Variants in DDX1 observed in about 807,000 individuals in gnomAD.
DDX1 encodes ATP-dependent RNA helicase DDX1.
In DDX1, 28 loss-of-function variants were observed where a neutral mutation model predicts 108.7. The observed-to-expected ratio is 0.26, with a 90% CI of 0.19 to 0.35. DDX1 has a LOEUF of 0.35. Among genes scored for constraint, DDX1 ranks in the 10% least tolerant of loss-of-function variants. The probability of loss-of-function intolerance (pLI) is 1.00; values close to 1 mark genes in which losing one functional copy is unlikely to be tolerated. For missense variants in DDX1, 710 were observed against 884.5 expected (o/e 0.80, Z 2.50); for synonymous variants, 295 against 288.9 (o/e 1.02, Z -0.21).
intron 12 of DDX1, 28 bp from the exon 13 acceptor site, chr2:15,607,147 T>A: frequency 6.2e-7 from 1 of 1,606,490 alleles, no homozygotes; most frequent in Non-Finnish European, 8.5e-7. Flanking sequence ...GTGCTTTGAA[T>A]GTGTTCTCAT....
chr2:15,607,131 T>C, intron 12 of DDX1, 44 bp from the exon 13 acceptor site: 1 of 1,576,704 alleles, frequency 6.3e-7, no homozygotes, highest in Non-Finnish European at 8.7e-7. Context: ...AACAGTATTA[T>C]AAAGTGTGCT....
chr2:15,612,062 C>T (rs1665776315), intron 13 of DDX1, among the ~76,000 whole-genome samples: 2 of 49,274 alleles, frequency 4.1e-5, no homozygotes, highest in Admixed American at 1.7e-4. Flanking sequence ...CCCTCTCCTC[C>T]CGGAGGGGGC....
intron 19 of DDX1, 54 bp downstream of exon 19, chr2:15,623,636 A>G: frequency 2.1e-6 from 3 of 1,459,288 alleles, no homozygotes; most frequent in Non-Finnish European, 2.9e-6. Context: ...GTAATAGATT[A>G]TTAATCTCAT....
intron 18 of DDX1, among the ~76,000 whole-genome samples, chr2:15,623,200 AC>A: frequency 6.6e-6 from 1 of 152,192 alleles, no homozygotes; most frequent in Middle Eastern, 3.4e-3. Context: ...GTGTTTATAT[AC>A]CCCATAAAGT....
At chr2:15,618,318 T>G (rs571243187) in intron 16 of DDX1, 48 bp downstream of exon 16, 6 of 978,710 alleles carry the variant, frequency 6.1e-6, no homozygotes, top group South Asian at 1.5e-5. Context: ...ACAATTGTTA[T>G]GTATAATGTT....
chr2:15,592,074 G>T, intron 1 of DDX1, 125 bp downstream of exon 1: 1 of 926,772 alleles, frequency 1.1e-6, no homozygotes, highest in Non-Finnish European at 1.5e-6. Context: ...GGCGCTGTCC[G>T]CTGCAGTCCC....
intron 5 of DDX1, among the ~76,000 whole-genome samples, chr2:15,597,800 T>C (rs776414306): frequency 6.6e-6 from 1 of 152,170 alleles, no homozygotes; most frequent in African/African-American, 2.4e-5. Flanking sequence ...TACAAAAATA[T>C]TAAGGAAGGA....
At chr2:15,598,026 G>A (rs3770461) in intron 5 of DDX1, among the ~76,000 whole-genome samples, 3,953 of 152,020 alleles carry the variant, frequency 0.026, 159 homozygotes, top group East Asian at 0.22. Flanking sequence ...CAATCTTACC[G>A]CAGTTTCTTC....
chr2:15,599,847 AG>A (rs1665561172), intron 6 of DDX1, 131 bp downstream of exon 6: 1 of 609,106 alleles, frequency 1.6e-6, no homozygotes, highest in Non-Finnish European at 2.8e-6. Context: ...ATCATTAAAC[AG>A]TATAGAACTG....
In DDX1 at chr2:15,610,578, T is replaced by C. The variant is rs149126586; in HGVS notation, c.957-2646T>C. 1.2e-4 allele frequency among the ~76,000 whole-genome samples: 19 copies of C among 152,352 alleles called. No homozygotes were observed. The East Asian group carries it at 3.3e-3, about 26-fold the overall frequency. Reference sequence around the variant, plus strand: ...TGAAAAGTGAGTCTTCTTTCACTCCTTTCCCCAATTTCTAGTTATCCTTTC... The same window carrying C: ...TGAAAAGTGAGTCTTCTTTCACTCCCTTCCCCAATTTCTAGTTATCCTTTC... On this transcript the variant is annotated intron_variant, in intron 13 of 25. Transcript: ENST00000233084.
At chr2:15,596,915 C>A in intron 4 of DDX1, 152 bp downstream of exon 4, 1 of 665,258 alleles carries the variant, frequency 1.5e-6, no homozygotes, top group Non-Finnish European at 2.6e-6. Flanking sequence ...TTTTTGTTGC[C>A]AGCTAATTAT....
chr2:15,612,736 A>C (rs1665797363), intron 13 of DDX1, among the ~76,000 whole-genome samples: 1 of 152,252 alleles, frequency 6.6e-6, no homozygotes, highest in Admixed American at 6.5e-5. Context: ...TGAGTGAGGG[A>C]GACTCCGTCT....
At chr2:15,617,472 G>T in intron 15 of DDX1, 130 bp downstream of exon 15, 3 of 416,692 alleles carry the variant, frequency 7.2e-6, no homozygotes, top group South Asian at 8.4e-5. Context: ...TTATCAGTTT[G>T]GTATATTTTC....
At chr2:15,609,712 CTGATT>C (rs1665723063) in intron 13 of DDX1, among the ~76,000 whole-genome samples, 1 of 151,600 alleles carries the variant, frequency 6.6e-6, no homozygotes, top group South Asian at 2.1e-4. Context: ...ATAAATATAT[CTGATT>C]ATAAATGTGG....
chr2:15,591,943 T>A lies in DDX1; in HGVS notation c.10T>A (p.Phe4Ile). Reference sequence around the variant, plus strand: ...GGAGGACGGGGTGAAGATGGCGGCCTTCTCCGGTGCGTTTGTGGAAACTCT... The same window carrying A: ...GGAGGACGGGGTGAAGATGGCGGCCATCTCCGGTGCGTTTGTGGAAACTCT... MAA[F>I]SEMGVMPEIA... Residue 4 changes from phenylalanine (F) to isoleucine (I), a missense_variant, in exon 1 of 26, where the codon TTC becomes ATC. Physicochemically the swap from Phe to Ile is conservative, Grantham distance 21. Transcript: ENST00000233084. 7.0e-7 allele frequency: 1 copy of A among 1,436,302 alleles called. No homozygotes were observed. The highest frequency in any genetic ancestry group is 3.0e-5 in the Admixed American group (1 of 33,818). 89.0% of individuals were successfully genotyped at this position (1,436,302 alleles called of 1,614,324 possible). A position where few individuals can be genotyped will look rare whatever the true frequency, so the allele number is the denominator to read the frequency against.
chr2:15,599,585 T>G (rs1665556012), intron 5 of DDX1, 84 bp from the exon 6 acceptor site: 3 of 1,030,874 alleles, frequency 2.9e-6, no homozygotes, highest in South Asian at 3.1e-5. Context: ...AGTGCTGAGA[T>G]TACAGTCGTG....
chr2:15,595,169 C>T lies in DDX1; in HGVS notation c.41C>T (p.Ala14Val). The stretch of plus-strand genomic sequence containing the variant: ...GAGATGGGTGTAATGCCTGAGATTG[C>T]ACAAGCTGTGGAAGAGATGGATTGG... ...FSEMGVMPEIAQAVEEMDWLL... is the reference protein window; with the variant it reads ...FSEMGVMPEIVQAVEEMDWLL... Residue 14 changes from alanine to valine, a missense_variant, in exon 2 of 26, where the codon GCA becomes GTA. Transcript: ENST00000233084. 3.7e-6 allele frequency: 6 copies of T among 1,611,682 alleles called. No individual in the cohort carries two copies. Among genetic ancestry groups the T allele is most frequent in the Non-Finnish European group, 5.1e-6 (6 of 1,178,750 alleles).
rs1292134828 is a variant in DDX1, at chr2:15,630,757, T to C, written c.2093-19T>C. On this transcript the variant is annotated intron_variant, in intron 25 of 25. Coordinates refer to ENST00000233084, the MANE Select transcript of DDX1 (RefSeq NM_004939.3). ...CAAGCATGTCATTTACATTACTTTG[T>C]TATTTGTGTGTGATGCAGGTGGAAG... 1 of 1,606,086 alleles carries C rather than the reference T, an allele frequency of 6.2e-7. No homozygotes were observed. Among genetic ancestry groups the C allele is most frequent in the Non-Finnish European group, 8.5e-7 (1 of 1,174,002 alleles).
chr2:15,617,021 T>TGTCAAAATCAATTTTG (rs1160170600), intron 14 of DDX1, among the ~76,000 whole-genome samples: 1 of 152,150 alleles, frequency 6.6e-6, no homozygotes, highest in Admixed American at 6.5e-5. Context: ...CAGTTAAGGA[T>TGTCAAAATCAATTTTG]GTCAAAATCA....
Sources: gnomAD v4.1 joint callset for allele counts (sites outside exome capture counted in the v4.1 genomes callset) on GRCh38, gnomAD v4.1.1 for gene constraint, MANE v1.5 for transcripts, NCBI Gene and HGNC (gene_info 2026-07-23, HGNC 2026-07-21) for gene names.